The following NHSL1 variants were observed in gnomAD, a reference collection of about 807,000 sequenced individuals.
The protein encoded by NHSL1 is NHS-like protein 1.
A neutral mutation model predicts 95.0 loss-of-function variants in NHSL1; 48 were observed. That is an observed-to-expected ratio of 0.51 (90% CI 0.40 to 0.64). The LOEUF is 0.64. Ranked by LOEUF, NHSL1 falls within the 30% of genes least tolerant of loss-of-function variation. The pLI, the probability that NHSL1 is intolerant of heterozygous loss-of-function variation, is 0.00. For missense variants in NHSL1, 1,971 were observed against 2,077.7 expected (o/e 0.95, Z 1.00); for synonymous variants, 783 against 833.9 (o/e 0.94, Z 1.05).
chr6:138,648,215 A>G (rs1337333900), intron 1 of NHSL1, among the ~76,000 whole-genome samples: 1 of 152,142 alleles, frequency 6.6e-6, no homozygotes, highest in Non-Finnish European at 1.5e-5. Flanking sequence ...ATAAACATCA[A>G]TGTAGGAGTG....
chr6:138,439,004 C>T (rs765705412), intron 5 of NHSL1, among the ~76,000 whole-genome samples: 8 of 152,084 alleles, frequency 5.3e-5, no homozygotes, highest in Admixed American at 1.3e-4. Context: ...GTCCAATTCA[C>T]TGAAACGAAA....
intron 1 of NHSL1, among the ~76,000 whole-genome samples, chr6:138,578,247 C>A (rs1029325542): frequency 3.4e-4 from 52 of 152,186 alleles, no homozygotes; most frequent in African/African-American, 1.1e-3. Flanking sequence ...CTGAAAAGGG[C>A]GAACAGATCT....
chr6:138,631,239 C>G (rs779442501), intron 1 of NHSL1, among the ~76,000 whole-genome samples: 1 of 152,168 alleles, frequency 6.6e-6, no homozygotes, highest in African/African-American at 2.4e-5. Flanking sequence ...CTCACCACCA[C>G]GAGCTAAAGT....
chr6:138,501,724 C>A (rs992176282), upstream of NHSL1, among the ~76,000 whole-genome samples: 6 of 152,226 alleles, frequency 3.9e-5, no homozygotes, highest in African/African-American at 1.4e-4. Context: ...ATAAAGTGGC[C>A]GCAGTTGTTC....
intron 3 of NHSL1, among the ~76,000 whole-genome samples, chr6:138,449,746 T>C (rs1777110840): frequency 6.6e-6 from 1 of 152,074 alleles, no homozygotes; most frequent in Non-Finnish European, 1.5e-5. Context: ...AGCAAAGTCA[T>C]GAATTGACAT....
intron 5 of NHSL1, among the ~76,000 whole-genome samples, chr6:138,441,252 T>C (rs981776815): frequency 6.6e-6 from 1 of 152,218 alleles, no homozygotes; most frequent in Admixed American, 6.5e-5. Context: ...GGAGCTATGC[T>C]ATGGTGCCTC....
chr6:138,434,518 A>G (rs1315601159), intron 5 of NHSL1, among the ~76,000 whole-genome samples: 1 of 152,170 alleles, frequency 6.6e-6, no homozygotes, highest in East Asian at 1.9e-4. Context: ...GCTACCCAGG[A>G]AAGAACAGAG....
rs528191624 is a variant in NHSL1, at chr6:138,581,742, G to A, written c.97-85371C>T. Among the ~76,000 whole-genome samples the A allele has an allele frequency of 4.0e-5, 6 of 150,618 alleles. No individual in the cohort carries two copies. In the South Asian group the frequency reaches 1.3e-3, roughly 32 times the overall value. On this transcript the variant is annotated intron_variant, in intron 1 of 3. Transcript: ENST00000491526. Reference sequence around the variant, plus strand: ...ATTTCAGGAAAAAAAGTCAAAGCAGGATCTGCAAGCATTTACACCAAGTGT... The same window carrying A: ...ATTTCAGGAAAAAAAGTCAAAGCAGAATCTGCAAGCATTTACACCAAGTGT...
At chr6:138,612,852 C>T (rs1784532180) in intron 1 of NHSL1, among the ~76,000 whole-genome samples, 1 of 152,168 alleles carries the variant, frequency 6.6e-6, no homozygotes, top group South Asian at 2.1e-4. Flanking sequence ...ATTAACTTCC[C>T]TTGCTGATAC....
intron 3 of NHSL1, among the ~76,000 whole-genome samples, chr6:138,447,851 C>G (rs1263950001): frequency 6.6e-6 from 1 of 152,180 alleles, no homozygotes; most frequent in African/African-American, 2.4e-5. Flanking sequence ...CTGTGGCCAT[C>G]AGTTTCCATT....
At chr6:138,457,504 T>A (rs573675179) in intron 3 of NHSL1, among the ~76,000 whole-genome samples, 1 of 152,332 alleles carries the variant, frequency 6.6e-6, no homozygotes, top group South Asian at 2.1e-4. Context: ...GTCCTTAACC[T>A]TTGCCATATT....
chr6:138,489,800 A>AAGAGAGAGGGAGAGAGGGAG (rs1562321281), intron 2 of NHSL1, among the ~76,000 whole-genome samples: 5 of 128,436 alleles, frequency 3.9e-5, no homozygotes, highest in African/African-American at 1.5e-4. Context: ...AGAAAGAAAG[A>AAGAGAGAGGGAGAGAGGGAG]AGAGAGAGGG....
exon 1 of NHSL1, chr6:138,572,054 G>A: frequency 1.3e-5 from 8 of 639,162 alleles, no homozygotes; most frequent in Non-Finnish European, 2.1e-5. Context: ...TATCCAAAAA[G>A]ACGGCTTCTG....
intron 1 of NHSL1, among the ~76,000 whole-genome samples, chr6:138,528,347 A>C (rs1193963538): frequency 6.6e-6 from 1 of 152,194 alleles, no homozygotes; most frequent in Non-Finnish European, 1.5e-5. Context: ...GAAGAAAAAA[A>C]AAATCAAGGC....
chr6:138,649,443 G>A (rs944326578), intron 1 of NHSL1, among the ~76,000 whole-genome samples: 4 of 149,620 alleles, frequency 2.7e-5, no homozygotes, highest in African/African-American at 1.0e-4. Context: ...AAAAACCAGG[G>A]AATTCTATTT....
At chr6:138,495,104 G>A (rs1457122440) in intron 2 of NHSL1, among the ~76,000 whole-genome samples, 1 of 152,090 alleles carries the variant, frequency 6.6e-6, no homozygotes. Flanking sequence ...TTAGCCAGGT[G>A]TGGTGATGCA....
At position 138,499,134 on chromosome 6, in the gene NHSL1, GACACAC is replaced by G. The variant is rs55946895; in HGVS notation, c.58+93_58+98del. 954 of 628,802 alleles carry G rather than the reference GACACAC, an allele frequency of 1.5e-3. 1 individual carries two copies. Among genetic ancestry groups the G allele is most frequent in the South Asian group, 4.9e-3 (240 of 49,144 alleles). The allele number at this position is 628,802 out of a possible 1,614,324, so 39.0% of individuals were successfully genotyped here. On this transcript the variant is annotated intron_variant, in intron 1 of 7. Transcript: ENST00000343505. The stretch of plus-strand genomic sequence containing the variant: ...ACGAAGGACCTAAAACACACACATG[GACACAC>G]ACACACACACACACACACAGACACA...
Position 138,429,817 on chromosome 6 carries a change from C to G in NHSL1, c.3979G>C (p.Gly1327Arg). Residue 1327 changes from glycine (G) to arginine (R), a missense_variant, in exon 7 of 8, where the codon GGT (glycine) becomes CGT (arginine). This residue lies in a region of NHSL1 where 146 missense variants were observed against 206.3 expected (regional missense o/e 0.71). Coordinates refer to ENST00000343505, the MANE Select transcript of NHSL1 (RefSeq NM_001144060.2). ...AAGVPETNAA[G>R]SSSEACDFLK... ...AAGTCACAGGCCTCTGAGGATGAAC[C>G]GGCTGCGTTGGTCTCCGGCACCCCA... 4 of 1,551,568 alleles carry G rather than the reference C, an allele frequency of 2.6e-6. No individual in the cohort carries two copies. Among genetic ancestry groups the G allele is most frequent in the South Asian group, 1.2e-5 (1 of 84,044 alleles).
intron 1 of NHSL1, among the ~76,000 whole-genome samples, chr6:138,666,009 T>G (rs912477251): frequency 2.0e-5 from 3 of 152,174 alleles, no homozygotes; most frequent in African/African-American, 7.2e-5. Context: ...ACACACACAG[T>G]AAAGAAAGAA....
Sources: allele counts gnomAD v4.1 joint callset (sites outside exome capture counted in the v4.1 genomes callset), GRCh38; gene constraint gnomAD v4.1.1; regional missense constraint gnomAD v4.1.1; transcripts MANE v1.5; gene names NCBI Gene and HGNC (gene_info 2026-07-23, HGNC 2026-07-21).